SHLD1: variants seen among roughly 807,000 people sequenced by gnomAD.
The protein encoded by SHLD1 is RINN1-REV7-interacting novel NHEJ regulator 3.
In SHLD1, 3 loss-of-function variants were observed where a neutral mutation model predicts 5.5. That is an observed-to-expected ratio of 0.54 (90% CI 0.25 to 1.40). The LOEUF (loss-of-function observed/expected upper bound fraction) is 1.40, where lower values mean the gene tolerates loss of function less well. Ranked by LOEUF, SHLD1 falls within the 40% of genes most tolerant of loss-of-function variation. The pLI is 0.15. For synonymous variants in SHLD1, 92 were observed against 94.3 expected (o/e 0.98, Z 0.14); for missense variants, 210 against 244.4 (o/e 0.86, Z 0.94).
Position 5,863,293 on chromosome 20 carries a change from G to A in SHLD1, c.448G>A (p.Val150Met), listed in dbSNP as rs1404921435. 1 of 1,614,220 alleles carries A rather than the reference G, an allele frequency of 6.2e-7. No homozygotes were observed. Among genetic ancestry groups the A allele is most frequent in the Non-Finnish European group, 8.5e-7 (1 of 1,180,048 alleles). The change falls in exon 3 of 3, where the codon GTG becomes ATG. Residue 150 changes from valine (V) to methionine (M), a missense_variant. Physicochemically the swap from Val to Met is conservative, Grantham distance 21. Transcript: ENST00000303142. ...CCTCCGCAGTTTTCAAATGGCCCGG[G>A]TGATCTTCAACCGGGACGGCTGCTC... is the stretch of plus-strand genomic sequence containing the variant. ...YALRSFQMAR[V>M]IFNRDGCSVL...
chr20:5,753,109 A>G (rs1293533280), intron 1 of SHLD1, among the ~76,000 whole-genome samples: 1 of 152,118 alleles, frequency 6.6e-6, no homozygotes, highest in Non-Finnish European at 1.5e-5. Flanking sequence ...GACATAAAAT[A>G]TTTTTATTTC....
Position 5,863,033 on chromosome 20 carries a change from A to G in SHLD1, c.188A>G (p.Asn63Ser). 1 of 1,587,300 alleles carries G rather than the reference A, an allele frequency of 6.3e-7. No homozygotes were observed. Among genetic ancestry groups the G allele is most frequent in the Non-Finnish European group, 8.6e-7 (1 of 1,168,392 alleles). Residue 63 changes from asparagine (N) to serine (S), a missense_variant, in exon 3 of 3, where the codon AAC becomes AGC. Physicochemically the swap from Asn to Ser is conservative, Grantham distance 46. Transcript: ENST00000303142. ...YSSDVDPDTSNLNIEQNNSWT... is the reference protein window; with the variant it reads ...YSSDVDPDTSSLNIEQNNSWT... ...ACGTTTTGTCTTGCAGACACCAGTAACTTAAATATAGAACAAAATAACTCC... is the reference window on the plus strand; with the variant it reads ...ACGTTTTGTCTTGCAGACACCAGTAGCTTAAATATAGAACAAAATAACTCC...
intron 1 of SHLD1, among the ~76,000 whole-genome samples, chr20:5,763,061 C>T (rs541918626): frequency 2.0e-5 from 3 of 151,618 alleles, no homozygotes; most frequent in South Asian, 2.1e-4. Flanking sequence ...AATCCCAGCA[C>T]TTTGGGAGGC....
At chr20:5,846,371 T>C (rs1224546146) in intron 2 of SHLD1, among the ~76,000 whole-genome samples, 1 of 152,216 alleles carries the variant, frequency 6.6e-6, no homozygotes, top group Non-Finnish European at 1.5e-5. Flanking sequence ...CGCGTAAGGT[T>C]GACGTTTGAA....
chr20:5,807,003 T>C (rs909446371), intron 2 of SHLD1, among the ~76,000 whole-genome samples: 1 of 152,226 alleles, frequency 6.6e-6, no homozygotes, highest in Non-Finnish European at 1.5e-5. Flanking sequence ...GGCTTAGAAA[T>C]CAGCTGGCTG....
At position 5,779,677 on chromosome 20, in the gene SHLD1, G is replaced by T. The variant is rs116125719; in HGVS notation, c.178+6634G>T. Among the ~76,000 whole-genome samples, 826 of 152,270 alleles carry T rather than the reference G, an allele frequency of 5.4e-3. 10 individuals carry two copies. Among genetic ancestry groups the T allele is most frequent in the African/African-American group, 0.019 (782 of 41,540 alleles). ...AGGAAGTTGATCTTCCAGGGATTGG[G>T]AAATATAGCCAAGGTTTCCAGTTGG... On this transcript the variant is annotated intron_variant, in intron 2 of 2. Coordinates refer to ENST00000303142, the MANE Select transcript of SHLD1 (RefSeq NM_152504.4).
chr20:5,856,362 T>C (rs1433233183), intron 2 of SHLD1, among the ~76,000 whole-genome samples: 1 of 152,340 alleles, frequency 6.6e-6, no homozygotes, highest in East Asian at 1.9e-4. Flanking sequence ...CAGACTCTCA[T>C]GCAGCCCATA....
chr20:5,823,917 C>G (rs2122419393), intron 2 of SHLD1, among the ~76,000 whole-genome samples: 1 of 152,276 alleles, frequency 6.6e-6, no homozygotes, highest in Admixed American at 6.5e-5. Flanking sequence ...CCACTCTACC[C>G]AAACCCCAGC....
chr20:5,771,618 CT>C lies in SHLD1; in HGVS notation c.-4-1230del, dbSNP rs76582920. Among the ~76,000 whole-genome samples the C allele has an allele frequency of 3.4e-3, 498 of 144,452 alleles. 1 individual carries two copies. The highest frequency in any genetic ancestry group is 5.3e-3 in the Non-Finnish European group (346 of 65,566). The allele number at this position is 144,452 out of a possible 152,430, so 94.8% of individuals were successfully genotyped here. A position where few individuals can be genotyped will look rare whatever the true frequency, so the allele number is the denominator to read the frequency against. On this transcript the variant is annotated intron_variant, in intron 1 of 2. Coordinates refer to ENST00000303142, the MANE Select transcript of SHLD1 (RefSeq NM_152504.4). ...ATGTACTGTGGCCATAACTCCATAA[CT>C]TTTTTTTTTTTTTGAGACAGAGTCT...
chr20:5,787,334 AT>A (rs1711780158), intron 2 of SHLD1, among the ~76,000 whole-genome samples: 1 of 152,092 alleles, frequency 6.6e-6, no homozygotes, highest in Admixed American at 6.6e-5. Flanking sequence ...CCCAGAAGAA[AT>A]TTTCTCATCT....
At chr20:5,771,553 C>T (rs371288980) in intron 1 of SHLD1, among the ~76,000 whole-genome samples, 1 of 152,064 alleles carries the variant, frequency 6.6e-6, no homozygotes, top group Non-Finnish European at 1.5e-5. Flanking sequence ...ATATCTTCCA[C>T]GCACAAATGT....
chr20:5,790,451 CTTTTT>C (rs71197798), intron 2 of SHLD1, among the ~76,000 whole-genome samples: 4 of 91,124 alleles, frequency 4.4e-5, no homozygotes, highest in Admixed American at 1.3e-4. Flanking sequence ...TAAAGGATTT[CTTTTT>C]TTTTTTTTTT....
intron 1 of SHLD1, chr20:5,772,233 C>T (rs1350136716): frequency 2.2e-6 from 1 of 447,580 alleles, no homozygotes; most frequent in East Asian, 7.0e-5. Context: ...GCATATCTGA[C>T]TTGCTGGCAT....
At chr20:5,764,158 T>TTATATATATATATATATTTTTATA (rs1984667038) in intron 1 of SHLD1, among the ~76,000 whole-genome samples, 4 of 72,042 alleles carry the variant, frequency 5.6e-5, no homozygotes, top group African/African-American at 2.1e-4. Context: ...ATATTTATAT[T>TTATATATATATATATATTTTTATA]TATATATATA....
intron 1 of SHLD1, among the ~76,000 whole-genome samples, chr20:5,760,458 T>C (rs1984393708): frequency 6.6e-6 from 1 of 152,062 alleles, no homozygotes; most frequent in African/African-American, 2.4e-5. Context: ...TTTGGGAGGC[T>C]GAGACGGGTG....
At chr20:5,851,603 TAAAAC>T (rs1041286995) in intron 2 of SHLD1, among the ~76,000 whole-genome samples, 10 of 151,684 alleles carry the variant, frequency 6.6e-5, no homozygotes, top group Non-Finnish European at 8.8e-5. Flanking sequence ...GTTTAAAACA[TAAAAC>T]AAAAAAGAAG....
intron 2 of SHLD1, among the ~76,000 whole-genome samples, chr20:5,811,888 A>G (rs1485846378): frequency 6.6e-6 from 1 of 151,862 alleles, no homozygotes; most frequent in Non-Finnish European, 1.5e-5. Flanking sequence ...GAACACCTGC[A>G]CTAAACCCCA....
intron 2 of SHLD1, among the ~76,000 whole-genome samples, chr20:5,852,415 C>CCCTCCCTTCCTTCCTTCCTTCCTT (rs1204718904): frequency 1.7e-4 from 25 of 150,104 alleles, no homozygotes; most frequent in African/African-American, 6.0e-4. Flanking sequence ...TCCTTTCCCT[C>CCCTCCCTTCCTTCCTTCCTTCCTT]CCTTCCTTCC....
At chr20:5,750,288 A>C (rs564077557), upstream of SHLD1, 1 of 152,318 alleles carries the variant, frequency 6.6e-6, no homozygotes, top group East Asian at 1.9e-4. Flanking sequence ...AGCCTCAGTC[A>C]ACATGGCCGC....
Sources: allele counts gnomAD v4.1 joint callset (sites outside exome capture counted in the v4.1 genomes callset), GRCh38; gene constraint gnomAD v4.1.1; transcripts MANE v1.5; gene names NCBI Gene and HGNC (gene_info 2026-07-23, HGNC 2026-07-21).